IPO8: variants seen among roughly 807,000 people sequenced by gnomAD.
IPO8 encodes importin-8.
Under a neutral mutation model 141.2 loss-of-function variants are expected in IPO8, and 65 were observed. The observed-to-expected ratio is 0.46, with a 90% CI of 0.38 to 0.57. The LOEUF (loss-of-function observed/expected upper bound fraction) is 0.57, where lower values mean the gene tolerates loss of function less well. IPO8 is among the 20% of genes least tolerant of loss of function. IPO8 has a pLI of 0.00. For missense variants in IPO8, 980 were observed against 1,246.8 expected, an observed-to-expected ratio of 0.79 and a Z score of 3.22; for synonymous variants, 411 against 420.3, an observed-to-expected ratio of 0.98 and a Z score of 0.27.
At chr12:30,645,638 G>C (rs951857615) in intron 20 of IPO8, among the ~76,000 whole-genome samples, 1 of 151,860 alleles carries the variant, frequency 6.6e-6, no homozygotes, top group Non-Finnish European at 1.5e-5. Context: ...GAAAAAAAGA[G>C]AGAAGACTCT....
chr12:30,652,401 C>A (rs1213581515), intron 18 of IPO8, 112 bp from the exon 19 acceptor site: 4 of 669,390 alleles, frequency 6.0e-6, no homozygotes, highest in Middle Eastern at 2.4e-4. Flanking sequence ...TCCCATGCAA[C>A]CACAAAAGGC....
intron 1 of IPO8, among the ~76,000 whole-genome samples, chr12:30,692,347 A>T (rs901057929): frequency 1.8e-4 from 28 of 152,308 alleles, no homozygotes; most frequent in African/African-American, 6.5e-4. Context: ...TTGCCATTTT[A>T]AAAAATTTCA....
intron 16 of IPO8, among the ~76,000 whole-genome samples, chr12:30,658,428 G>GT (rs1054658612): frequency 6.6e-6 from 1 of 151,852 alleles, no homozygotes; most frequent in African/African-American, 2.4e-5. Context: ...AAGGCTTTAG[G>GT]TTTTTTTTGT....
intron 1 of IPO8, among the ~76,000 whole-genome samples, chr12:30,693,484 C>G (rs367886465): frequency 3.7e-4 from 57 of 152,318 alleles, no homozygotes; most frequent in African/African-American, 1.3e-3. Flanking sequence ...AGAAGCTGCT[C>G]CCATTCCCTA....
chr12:30,657,499 C>G (rs148263563), intron 16 of IPO8, among the ~76,000 whole-genome samples: 36 of 152,138 alleles, frequency 2.4e-4, no homozygotes, highest in African/African-American at 8.4e-4. Context: ...TCAAACTTAC[C>G]CATACAAATG....
chr12:30,671,755 A>ACTG (rs1048254237), intron 8 of IPO8, among the ~76,000 whole-genome samples: 2 of 151,506 alleles, frequency 1.3e-5, no homozygotes, highest in African/African-American at 4.8e-5. Flanking sequence ...ACAACAAGAG[A>ACTG]CAGCACAAAG....
chr12:30,643,767 C>T (rs1342414366), intron 20 of IPO8, among the ~76,000 whole-genome samples: 1 of 152,246 alleles, frequency 6.6e-6, no homozygotes, highest in Non-Finnish European at 1.5e-5. Context: ...TCCCCTTTGA[C>T]CTTCCACCAC....
intron 2 of IPO8, among the ~76,000 whole-genome samples, chr12:30,685,870 T>C (rs2053237221): frequency 7.2e-6 from 1 of 138,756 alleles, no homozygotes; most frequent in Non-Finnish European, 1.5e-5. Flanking sequence ...GCCACAGCAC[T>C]GCAGCCAGGG....
chr12:30,690,646 T>C, intron 1 of IPO8, 69 bp from the exon 2 acceptor site: 2 of 787,468 alleles, frequency 2.5e-6, no homozygotes, highest in Non-Finnish European at 4.2e-6. Context: ...TTAGCACCGG[T>C]TACTGAATAC....
chr12:30,638,851 T>A (rs897693917), intron 21 of IPO8, among the ~76,000 whole-genome samples: 4 of 152,142 alleles, frequency 2.6e-5, no homozygotes, highest in Non-Finnish European at 4.4e-5. Context: ...GTGTGCTTTT[T>A]TAGTAGAGAT....
intron 1 of IPO8, 139 bp from the exon 2 acceptor site, chr12:30,690,716 A>C: frequency 2.0e-6 from 1 of 511,760 alleles, no homozygotes; most frequent in South Asian, 4.2e-5. Flanking sequence ...AGGCAAAATG[A>C]AGATTACTAA....
chr12:30,634,790 T>A (rs999489238), intron 22 of IPO8, among the ~76,000 whole-genome samples: 1 of 151,992 alleles, frequency 6.6e-6, no homozygotes, highest in East Asian at 1.9e-4. Context: ...GTAGAAACAG[T>A]AAAAATACAG....
intron 17 of IPO8, among the ~76,000 whole-genome samples, chr12:30,656,034 T>C (rs1313101656): frequency 2.0e-5 from 3 of 152,134 alleles, no homozygotes; most frequent in Non-Finnish European, 4.4e-5. Context: ...TAATAGATAA[T>C]AGGACAATTA....
intron 8 of IPO8, among the ~76,000 whole-genome samples, chr12:30,672,189 T>C (rs1352658715): frequency 2.0e-5 from 3 of 152,180 alleles, no homozygotes; most frequent in Admixed American, 6.5e-5. Flanking sequence ...CTCTTCACCA[T>C]ATCAAGCTTA....
intron 10 of IPO8, 150 bp from the exon 11 acceptor site, chr12:30,666,401 G>C: frequency 4.2e-6 from 2 of 480,202 alleles, no homozygotes; most frequent in Non-Finnish European, 7.3e-6. Context: ...AGGATATACA[G>C]TGGCACCACA....
intron 6 of IPO8, among the ~76,000 whole-genome samples, chr12:30,676,038 C>G (rs951087213): frequency 6.6e-6 from 1 of 152,022 alleles, no homozygotes; most frequent in Non-Finnish European, 1.5e-5. Flanking sequence ...GTGATCCCCC[C>G]ACCTCAGCTT....
chr12:30,650,932 T>C (rs2052718184), intron 19 of IPO8, among the ~76,000 whole-genome samples: 2 of 151,996 alleles, frequency 1.3e-5, no homozygotes, highest in South Asian at 4.1e-4. Flanking sequence ...AGGTTAATAT[T>C]ATAGAAAGTG....
chr12:30,685,499 GTTGTGTGTGTGT>G (rs1325724583), intron 2 of IPO8, among the ~76,000 whole-genome samples: 11 of 128,244 alleles, frequency 8.6e-5, no homozygotes, highest in Admixed American at 1.5e-4. Context: ...TACTTATAAT[GTTGTGTGTGTGT>G]GTGTGTGTGT....
At chr12:30,677,064 T>C (rs2053131421) in intron 5 of IPO8, 5 of 1,521,770 alleles carry the variant, frequency 3.3e-6, no homozygotes, top group Non-Finnish European at 4.4e-6. Flanking sequence ...TACTGTGAGT[T>C]GCAGAAGACG....
Sources: allele counts gnomAD v4.1 joint callset (sites outside exome capture counted in the v4.1 genomes callset), GRCh38; gene constraint gnomAD v4.1.1; transcripts MANE v1.5; gene names NCBI Gene and HGNC (gene_info 2026-07-23, HGNC 2026-07-21).